TLE1: variants seen among roughly 807,000 people sequenced by gnomAD.
TLE1 encodes the protein transducin-like enhancer protein 1.
A neutral mutation model predicts 89.8 loss-of-function variants in TLE1; 21 were observed. The observed-to-expected ratio is 0.23, with a 90% CI of 0.17 to 0.34. The LOEUF is 0.34. Ranked by LOEUF, TLE1 falls within the 10% of genes least tolerant of loss-of-function variation. The pLI is 1.00. For missense variants in TLE1, 795 were observed against 1,031.2 expected, an observed-to-expected ratio of 0.77 and a Z score of 3.14; for synonymous variants, 447 against 407.6, an observed-to-expected ratio of 1.10 and a Z score of -1.16.
At chr9:81,672,134 C>T (rs150329189) in intron 4 of TLE1, among the ~76,000 whole-genome samples, 20 of 152,260 alleles carry the variant, frequency 1.3e-4, no homozygotes, top group East Asian at 3.9e-4. Context: ...GATCAGAAGG[C>T]GGCCAACTTT....
At chr9:81,638,831 G>C (rs1248277881) in intron 6 of TLE1, among the ~76,000 whole-genome samples, 1 of 152,008 alleles carries the variant, frequency 6.6e-6, no homozygotes, top group Non-Finnish European at 1.5e-5. Flanking sequence ...TACCACATTG[G>C]CCAGGCTGGT....
At chr9:81,586,040 C>T (rs1283295747) in intron 17 of TLE1, among the ~76,000 whole-genome samples, 3 of 125,938 alleles carry the variant, frequency 2.4e-5, no homozygotes, top group African/African-American at 6.1e-5. Context: ...TTTTTTGAGA[C>T]GGAGTCTTGC....
At chr9:81,587,614 T>G (rs1358633232) in intron 17 of TLE1, 67 bp downstream of exon 17, 1 of 1,508,104 alleles carries the variant, frequency 6.6e-7, no homozygotes, top group African/African-American at 1.4e-5. Context: ...GGAGGGAGGG[T>G]TGTGAGGAGG....
intron 4 of TLE1, among the ~76,000 whole-genome samples, chr9:81,654,485 C>T (rs527260521): frequency 1.3e-5 from 2 of 152,248 alleles, no homozygotes; most frequent in East Asian, 1.9e-4. Context: ...GGACTACAGG[C>T]GCCCGCCACC....
At chr9:81,668,792 A>T (rs1334304642) in intron 4 of TLE1, among the ~76,000 whole-genome samples, 2 of 152,228 alleles carry the variant, frequency 1.3e-5, no homozygotes, top group Non-Finnish European at 2.9e-5. Context: ...TCTAAGATAT[A>T]CTAGGGAAGC....
chr9:81,659,819 G>C (rs188173138), intron 4 of TLE1, among the ~76,000 whole-genome samples: 1 of 152,110 alleles, frequency 6.6e-6, no homozygotes, highest in South Asian at 2.1e-4. Context: ...CAATCTACTT[G>C]AGAGTTTCAT....
chr9:81,676,840 G>A (rs906508872), intron 4 of TLE1, among the ~76,000 whole-genome samples: 1 of 152,196 alleles, frequency 6.6e-6, no homozygotes, highest in Non-Finnish European at 1.5e-5. Context: ...GGGACACTGG[G>A]CAAGTCAATG....
chr9:81,653,787 A>G (rs889578545), intron 5 of TLE1, among the ~76,000 whole-genome samples, 187 bp downstream of exon 5: 26 of 152,044 alleles, frequency 1.7e-4, no homozygotes, highest in African/African-American at 5.1e-4. Context: ...GGGTTGAGCT[A>G]TTGTCACCAT....
intron 4 of TLE1, among the ~76,000 whole-genome samples, chr9:81,663,773 C>T (rs1206738306): frequency 6.6e-6 from 1 of 151,740 alleles, no homozygotes; most frequent in Non-Finnish European, 1.5e-5. Context: ...ACTACAGGCA[C>T]CTGCCACCAC....
At position 81,615,712 on chromosome 9, in the gene TLE1, C is replaced by CA. The variant is rs371090700; in HGVS notation, c.918+269dup. On this transcript the variant is annotated intron_variant, in intron 11 of 19. Transcript: ENST00000376499. ...TGGATGATGGAGTGAGACTCCGTCT[C>CA]AAAAAAAAAAAAAAAAAGAAGAAGA... is the stretch of plus-strand genomic sequence containing the variant. Among the ~76,000 whole-genome samples, 582 of 97,794 alleles carry CA rather than the reference C, an allele frequency of 6.0e-3. 4 individuals are homozygous for CA. Among genetic ancestry groups the CA allele is most frequent in the African/African-American group, 0.015 (342 of 23,186 alleles). The allele number at this position is 97,794 out of a possible 152,430, so 64.2% of individuals were successfully genotyped here. A position where few individuals can be genotyped will look rare whatever the true frequency, so the allele number is the denominator to read the frequency against.
chr9:81,671,267 A>G (rs1037171841), intron 4 of TLE1, among the ~76,000 whole-genome samples: 3 of 152,072 alleles, frequency 2.0e-5, no homozygotes, highest in African/African-American at 7.2e-5. Flanking sequence ...TAATCCCAGC[A>G]CTTTGGAAGG....
intron 4 of TLE1, among the ~76,000 whole-genome samples, chr9:81,678,165 T>C (rs1331575911): frequency 2.6e-5 from 4 of 152,202 alleles, no homozygotes; most frequent in Non-Finnish European, 5.9e-5. Flanking sequence ...TGCCCACCAT[T>C]ATGATTTTTA....
chr9:81,632,608 T>C (rs1479686340), intron 8 of TLE1, among the ~76,000 whole-genome samples: 2 of 152,092 alleles, frequency 1.3e-5, no homozygotes, highest in Non-Finnish European at 2.9e-5. Flanking sequence ...ACACAACATT[T>C]GAGACACACT....
At chr9:81,664,297 G>C (rs1831188862) in intron 4 of TLE1, among the ~76,000 whole-genome samples, 2 of 151,308 alleles carry the variant, frequency 1.3e-5, no homozygotes, top group Admixed American at 6.6e-5. Flanking sequence ...TAAAAACTGT[G>C]TACCAAAAAT....
chr9:81,635,631 G>A (rs377672251), intron 6 of TLE1, among the ~76,000 whole-genome samples: 22 of 152,124 alleles, frequency 1.4e-4, no homozygotes, highest in African/African-American at 4.6e-4. Flanking sequence ...TCTGATTTGT[G>A]CTCACTTCCT....
intron 8 of TLE1, among the ~76,000 whole-genome samples, chr9:81,627,986 A>G (rs1399242053): frequency 6.6e-6 from 1 of 152,224 alleles, no homozygotes; most frequent in Admixed American, 6.5e-5. Flanking sequence ...TGGGAGACCA[A>G]GGTGGGAGAA....
At chr9:81,677,272 G>A (rs1833014225) in intron 4 of TLE1, among the ~76,000 whole-genome samples, 1 of 148,102 alleles carries the variant, frequency 6.8e-6, no homozygotes, top group Non-Finnish European at 1.5e-5. Context: ...AAATTTAAAA[G>A]TAAACAACTC....
At position 81,606,808 on chromosome 9, in the gene TLE1, G is replaced by A. The variant is rs528855108; in HGVS notation, c.1331+3412C>T. On this transcript the variant is annotated intron_variant, in intron 14 of 19. Transcript: ENST00000376499. The stretch of plus-strand genomic sequence containing the variant: ...AAAACCATATATATATATATAGAGA[G>A]AGAGGCAGTAAGATTGTATATAACC... Among the ~76,000 whole-genome samples the A allele has an allele frequency of 1.1e-4, 17 of 151,162 alleles. No individual in the cohort carries two copies. The South Asian group carries it at 2.1e-3, about 19-fold the overall frequency.
chr9:81,627,803 G>A (rs1016833194), intron 8 of TLE1, among the ~76,000 whole-genome samples: 10 of 152,128 alleles, frequency 6.6e-5, no homozygotes, highest in East Asian at 3.9e-4. Flanking sequence ...AAGTGATCAC[G>A]TTAATAAGCA....
Sources: gnomAD v4.1 joint callset for allele counts (sites outside exome capture counted in the v4.1 genomes callset) on GRCh38, gnomAD v4.1.1 for gene constraint, MANE v1.5 for transcripts, NCBI Gene and HGNC (gene_info 2026-07-23, HGNC 2026-07-21) for gene names.